Variants in RFC3 observed in about 807,000 individuals in gnomAD.
RFC3 encodes the protein A1 38 kDa subunit.
A neutral mutation model predicts 45.1 loss-of-function variants in RFC3; 41 were observed. That is an observed-to-expected ratio of 0.91 (90% CI 0.71 to 1.18). RFC3 has a LOEUF of 1.18. Among genes scored for constraint, RFC3 ranks in the 50% most tolerant of loss-of-function variants. The pLI, the probability that RFC3 is intolerant of heterozygous loss-of-function variation, is 0.00. For missense variants in RFC3, 423 were observed against 428.1 expected (o/e 0.99, Z 0.10); for synonymous variants, 149 against 144.0 (o/e 1.03, Z -0.25).
intron 8 of RFC3, among the ~76,000 whole-genome samples, chr13:33,935,878 A>G (rs1308168319): frequency 6.6e-6 from 1 of 152,212 alleles, no homozygotes; most frequent in Non-Finnish European, 1.5e-5. Flanking sequence ...TAATTATGTT[A>G]GAATGACCTG....
intron 8 of RFC3, among the ~76,000 whole-genome samples, chr13:33,891,429 C>G (rs548815754): frequency 2.2e-4 from 34 of 152,126 alleles, no homozygotes; most frequent in Non-Finnish European, 4.1e-4. Flanking sequence ...AGACAAGTAA[C>G]CTTCACATGG....
At chr13:33,922,087 C>T (rs2082772532) in intron 8 of RFC3, among the ~76,000 whole-genome samples, 1 of 151,314 alleles carries the variant, frequency 6.6e-6, no homozygotes, top group Non-Finnish European at 1.5e-5. Context: ...AAAGTGGTGC[C>T]TGGCATCATC....
At chr13:33,853,311 T>C (rs1429713319) in intron 8 of RFC3, among the ~76,000 whole-genome samples, 3 of 152,182 alleles carry the variant, frequency 2.0e-5, no homozygotes, top group Non-Finnish European at 4.4e-5. Context: ...GATTTCACCA[T>C]AGATGTGCAT....
intron 8 of RFC3, chr13:33,847,545 T>C (rs2082247141): frequency 6.6e-6 from 1 of 152,058 alleles, no homozygotes; most frequent in Non-Finnish European, 1.5e-5. Flanking sequence ...GAAGCAGAAA[T>C]TCCATCTCAT....
downstream of RFC3, among the ~76,000 whole-genome samples, chr13:33,839,372 T>C (rs1231071855): frequency 6.6e-6 from 1 of 152,188 alleles, no homozygotes. Flanking sequence ...TGAGTTTTCC[T>C]TGCCCCGATG....
downstream of RFC3, among the ~76,000 whole-genome samples, chr13:33,842,204 C>T (rs931694927): frequency 1.3e-5 from 2 of 151,812 alleles, no homozygotes; most frequent in South Asian, 4.2e-4. Context: ...GGGAGGATTA[C>T]TTGAATCTAG....
chr13:33,863,202 A>G (rs1049053775), intron 8 of RFC3, among the ~76,000 whole-genome samples: 1 of 152,216 alleles, frequency 6.6e-6, no homozygotes, highest in African/African-American at 2.4e-5. Context: ...CAGTAATATA[A>G]TGAATGAAAA....
intron 8 of RFC3, among the ~76,000 whole-genome samples, chr13:33,955,507 C>A (rs908103891): frequency 2.6e-5 from 4 of 152,118 alleles, no homozygotes; most frequent in Admixed American, 2.6e-4. Context: ...GGAAATAAAT[C>A]TTTTATTCAC....
intron 8 of RFC3, among the ~76,000 whole-genome samples, chr13:33,951,398 AT>A (rs2082990350): frequency 6.6e-6 from 1 of 151,518 alleles, no homozygotes; most frequent in African/African-American, 2.4e-5. Flanking sequence ...CGCCTGGCTA[AT>A]TTTTTGTATT....
chr13:33,910,398 G>A (rs541458074), intron 8 of RFC3, among the ~76,000 whole-genome samples: 126 of 152,236 alleles, frequency 8.3e-4, no homozygotes, highest in African/African-American at 2.7e-3. Flanking sequence ...GGCATTTTGG[G>A]AGTGCTTGGC....
chr13:33,933,083 G>A (rs749458708), intron 8 of RFC3, among the ~76,000 whole-genome samples: 60 of 152,238 alleles, frequency 3.9e-4, no homozygotes, highest in South Asian at 8.3e-4. Flanking sequence ...AGTTACAGAT[G>A]GTGATATCAT....
At chr13:33,838,501 T>C (rs2082174413), downstream of RFC3, among the ~76,000 whole-genome samples, 1 of 152,180 alleles carries the variant, frequency 6.6e-6, no homozygotes, top group Admixed American at 6.5e-5. Flanking sequence ...TTGTTTCTGA[T>C]GACAAGTTAG....
intron 8 of RFC3, among the ~76,000 whole-genome samples, chr13:33,917,708 G>C (rs1446876361): frequency 6.6e-6 from 1 of 152,032 alleles, no homozygotes; most frequent in Non-Finnish European, 1.5e-5. Flanking sequence ...AAAATGACAG[G>C]CTCTCTGGGA....
chr13:33,948,605 G>A (rs1435624094), intron 8 of RFC3, among the ~76,000 whole-genome samples: 3 of 152,216 alleles, frequency 2.0e-5, no homozygotes, highest in Non-Finnish European at 2.9e-5. Context: ...GACACTCAAT[G>A]CCAGTCTGTG....
Position 33,932,058 on chromosome 13 carries a change from T to C in RFC3, c.880-34029T>C, listed in dbSNP as rs74461067. Among the ~76,000 whole-genome samples the C allele has an allele frequency of 9.4e-3, 1,428 of 152,254 alleles. 23 individuals carry two copies. Among genetic ancestry groups the C allele is most frequent in the African/African-American group, 0.032 (1,344 of 41,548 alleles). The stretch of plus-strand genomic sequence containing the variant: ...CTAGTTCATTAATTCTACAAATGCT[T>C]ACTATGTTCCAAGCACTGCAGAGAT... On this transcript the variant is annotated intron_variant, in intron 8 of 8. Coordinates refer to the RFC3 transcript ENST00000434425.
intron 8 of RFC3, among the ~76,000 whole-genome samples, chr13:33,909,540 C>G (rs1486675503): frequency 1.3e-5 from 2 of 152,152 alleles, no homozygotes; most frequent in Non-Finnish European, 2.9e-5. Context: ...TGTTACCCCT[C>G]TCTCTCTTCT....
At chr13:33,921,140 G>A (rs78797012) in intron 8 of RFC3, among the ~76,000 whole-genome samples, 2,752 of 152,212 alleles carry the variant, frequency 0.018, 84 homozygotes, top group African/African-American at 0.055. Context: ...TATTTAATGA[G>A]CTTCTACTAT....
At chr13:33,933,814 T>C (rs1177441692) in intron 8 of RFC3, among the ~76,000 whole-genome samples, 1 of 152,134 alleles carries the variant, frequency 6.6e-6, no homozygotes, top group East Asian at 1.9e-4. Flanking sequence ...ACTAAAGATA[T>C]TCTTTTAAAG....
In RFC3 at chr13:33,821,120, C is replaced by G; in HGVS notation, c.88-12C>G. On this transcript the variant is annotated splice_polypyrimidine_tract_variant and intron_variant, in intron 1 of 8. Coordinates refer to ENST00000380071, the MANE Select transcript of RFC3 (RefSeq NM_002915.4). ...TTTGACTAGGGAAAAATGCCTTGTT[C>G]TTTTTTTTCAGGTGCAGTGTGGTGA... The G allele has an allele frequency of 6.2e-7, 1 of 1,611,056 alleles. No individual in the cohort carries two copies. The highest frequency in any genetic ancestry group is 1.1e-5 in the South Asian group (1 of 90,860).
Sources: allele counts gnomAD v4.1 joint callset (sites outside exome capture counted in the v4.1 genomes callset), GRCh38; gene constraint gnomAD v4.1.1; transcripts MANE v1.5; gene names NCBI Gene and HGNC (gene_info 2026-07-23, HGNC 2026-07-21).